Variants in CORO2B observed in about 807,000 individuals in gnomAD.
CORO2B encodes the protein coronin-2B.
Under a neutral mutation model 58.8 loss-of-function variants are expected in CORO2B, and 26 were observed. That is an observed-to-expected ratio of 0.44 (90% CI 0.32 to 0.61). The LOEUF (loss-of-function observed/expected upper bound fraction) is 0.61. CORO2B is among the 20% of genes least tolerant of loss of function. CORO2B has a pLI of 0.04. For synonymous variants in CORO2B, 242 were observed against 253.8 expected (o/e 0.95, Z 0.44); for missense variants, 460 against 645.1 (o/e 0.71, Z 3.11).
At chr15:68,629,808 C>T (rs901865829) in intron 1 of CORO2B, among the ~76,000 whole-genome samples, 6 of 42 alleles carry the variant, frequency 0.14, no homozygotes, top group Admixed American at 0.5. Context: ...GGAGCTTGGG[C>T]TCTTAACCAG....
At chr15:68,707,161 C>G (rs768811481) in intron 3 of CORO2B, among the ~76,000 whole-genome samples, 4 of 152,112 alleles carry the variant, frequency 2.6e-5, no homozygotes, top group Non-Finnish European at 5.9e-5. Flanking sequence ...GGATTACAGA[C>G]GTGAGCTACC....
intron 1 of CORO2B, among the ~76,000 whole-genome samples, chr15:68,611,328 A>G (rs1477746504): frequency 2.0e-5 from 3 of 152,184 alleles, no homozygotes; most frequent in African/African-American, 7.2e-5. Flanking sequence ...GAAATTTTGA[A>G]ATCATACTTT....
chr15:68,608,359 G>A (rs1900172430), intron 1 of CORO2B, among the ~76,000 whole-genome samples: 1 of 152,206 alleles, frequency 6.6e-6, no homozygotes, highest in African/African-American at 2.4e-5. Context: ...AGCAAGGCAA[G>A]TTCTCCCTCC....
chr15:68,606,542 C>T (rs575221300), intron 1 of CORO2B, among the ~76,000 whole-genome samples: 1 of 152,280 alleles, frequency 6.6e-6, no homozygotes, highest in South Asian at 2.1e-4. Context: ...CAGGCGCTTT[C>T]CTTAAAGTAA....
the CORO2B span, among the ~76,000 whole-genome samples, chr15:68,564,991 A>G: frequency 1.3e-5 from 2 of 152,220 alleles, no homozygotes; most frequent in Non-Finnish European, 2.9e-5. Context: ...CAGAATCTCT[A>G]TAAAACCTAT....
At chr15:68,630,168 T>C (rs185982744) in intron 1 of CORO2B, among the ~76,000 whole-genome samples, 2 of 152,234 alleles carry the variant, frequency 1.3e-5, no homozygotes, top group African/African-American at 2.4e-5. Context: ...TTCAGTTGAA[T>C]AAAGAAAGAA....
rs1427466677 is a variant in CORO2B, at chr15:68,725,899, G to A, written c.1368G>A (p.Leu456=). Residue 456 remains leucine, a synonymous_variant, in exon 12 of 12, where the codon CTG becomes CTA. Coordinates refer to ENST00000261861, the MANE Select transcript of CORO2B (RefSeq NM_006091.5). The part of the protein sequence containing the change: ...QDEIRRLKEE[L]AQKDIRIRQL... ...AGATTCGACGGTTGAAAGAGGAGCT[G>A]GCCCAGAAGGACATCCGCATTCGGC... 6.2e-7 allele frequency: 1 copy of A among 1,614,074 alleles called. No homozygotes were observed. Among genetic ancestry groups the A allele is most frequent in the Admixed American group, 1.7e-5 (1 of 60,004 alleles).
chr15:68,526,636 A>G, the CORO2B span, among the ~76,000 whole-genome samples: 1 of 152,182 alleles, frequency 6.6e-6, no homozygotes, highest in African/African-American at 2.4e-5. Flanking sequence ...TTCAGGATAT[A>G]ATGTTCACTT....
intron 1 of CORO2B, among the ~76,000 whole-genome samples, chr15:68,634,147 G>T (rs1365400335): frequency 6.6e-6 from 1 of 152,252 alleles, no homozygotes; most frequent in African/African-American, 2.4e-5. Context: ...GAAGGAGGGG[G>T]TGAGGAGTAG....
intron 3 of CORO2B, among the ~76,000 whole-genome samples, chr15:68,697,991 C>T (rs1567012728): frequency 6.6e-6 from 1 of 152,174 alleles, no homozygotes; most frequent in Non-Finnish European, 1.5e-5. Context: ...GGGCTGACCC[C>T]AGCTGGTGTC....
At chr15:68,707,090 A>T (rs1004360819) in intron 3 of CORO2B, among the ~76,000 whole-genome samples, 2 of 152,122 alleles carry the variant, frequency 1.3e-5, no homozygotes, top group Non-Finnish European at 2.9e-5. Flanking sequence ...CCTCCTGAGT[A>T]GCTGGGATTA....
At chr15:68,627,276 A>G (rs1320382788) in intron 1 of CORO2B, among the ~76,000 whole-genome samples, 2 of 152,202 alleles carry the variant, frequency 1.3e-5, no homozygotes, top group Admixed American at 1.3e-4. Context: ...TGACTAAGAC[A>G]TCATCCCAAC....
chr15:68,540,759 G>T, the CORO2B span, among the ~76,000 whole-genome samples: 3 of 152,180 alleles, frequency 2.0e-5, 1 homozygote, highest in Admixed American at 2.0e-4. Context: ...AACTGCAAGT[G>T]CATGGTGGTT....
At chr15:68,621,066 G>C (rs532712940) in intron 1 of CORO2B, among the ~76,000 whole-genome samples, 20 of 152,354 alleles carry the variant, frequency 1.3e-4, no homozygotes, top group African/African-American at 3.8e-4. Flanking sequence ...TACTCAGCTT[G>C]GAGTGGACGG....
intron 8 of CORO2B, 87 bp from the exon 9 acceptor site, chr15:68,718,611 C>A: frequency 1.7e-6 from 2 of 1,190,368 alleles, no homozygotes; most frequent in Non-Finnish European, 2.5e-6. Context: ...ATTCCTCAGC[C>A]TTTCCCCTGG....
chr15:68,720,683 AG>A (rs1227359619), intron 11 of CORO2B, among the ~76,000 whole-genome samples: 1 of 152,264 alleles, frequency 6.6e-6, no homozygotes, highest in East Asian at 1.9e-4. Flanking sequence ...AGCTCACAAC[AG>A]GGTATGTGAG....
chr15:68,576,169 A>G (rs113499936), upstream of CORO2B, among the ~76,000 whole-genome samples: 5 of 87,278 alleles, frequency 5.7e-5, no homozygotes, highest in African/African-American at 2.4e-4. Flanking sequence ...AAAAAAAAAA[A>G]AAAAAAAGAA....
At chr15:68,529,544 G>A in the CORO2B span, among the ~76,000 whole-genome samples, 1 of 152,202 alleles carries the variant, frequency 6.6e-6, no homozygotes, top group South Asian at 2.1e-4. Flanking sequence ...TTACTGTGTT[G>A]TTATTATCTC....
the CORO2B span, among the ~76,000 whole-genome samples, chr15:68,544,170 C>T: frequency 6.6e-6 from 1 of 152,238 alleles, no homozygotes; most frequent in Non-Finnish European, 1.5e-5. Context: ...GGATCCACAT[C>T]TGGCCCTGTA....
Sources: gnomAD v4.1 joint callset for allele counts (sites outside exome capture counted in the v4.1 genomes callset) on GRCh38, gnomAD v4.1.1 for gene constraint, MANE v1.5 for transcripts, NCBI Gene and HGNC (gene_info 2026-07-23, HGNC 2026-07-21) for gene names.